The following PARD3B variants were observed in gnomAD, a reference collection of about 807,000 sequenced individuals.
The protein encoded by PARD3B is par-3 family cell polarity regulator beta.
In PARD3B, 103 loss-of-function variants were observed where a neutral mutation model predicts 130.2. That is an observed-to-expected ratio of 0.79 (90% CI 0.67 to 0.93). The LOEUF (loss-of-function observed/expected upper bound fraction) is 0.93. Among genes scored for constraint, PARD3B ranks in the 40% least tolerant of loss-of-function variants. The probability of loss-of-function intolerance (pLI) is 0.00; values close to 1 mark genes in which losing one functional copy is unlikely to be tolerated. For synonymous variants in PARD3B, 583 were observed against 553.2 expected, an observed-to-expected ratio of 1.05 and a Z score of -0.76; for missense variants, 1,609 against 1,499.2, an observed-to-expected ratio of 1.07 and a Z score of -1.21.
chr2:205,358,995 G>A (rs989780951), intron 18 of PARD3B, among the ~76,000 whole-genome samples: 9 of 152,166 alleles, frequency 5.9e-5, no homozygotes, highest in South Asian at 4.2e-4. Flanking sequence ...CTTTAAATTC[G>A]CAAACATTTC....
intron 10 of PARD3B, among the ~76,000 whole-genome samples, chr2:205,154,810 A>T (rs958946354): frequency 6.6e-6 from 1 of 152,130 alleles, no homozygotes; most frequent in Non-Finnish European, 1.5e-5. Context: ...AAAACCACAC[A>T]CCGCATGTTC....
In PARD3B at chr2:205,460,433, TGA is replaced by T. The variant is rs1165706123; in HGVS notation, c.3044+19762_3044+19763del. Among the ~76,000 whole-genome samples, 1 of 151,298 alleles carries T rather than the reference TGA, an allele frequency of 6.6e-6. No individual in the cohort carries two copies. The highest frequency in any genetic ancestry group is 1.5e-5 in the Non-Finnish European group (1 of 67,894). On this transcript the variant is annotated intron_variant, in intron 20 of 22. Coordinates refer to ENST00000406610, the MANE Select transcript of PARD3B (RefSeq NM_001302769.2). This position sits in a 1 kb window ranked among gnomAD's most constrained non-coding sequence, Gnocchi z 4.9. Reference sequence around the variant, plus strand: ...ATGATGATGATGATGATGATGATGATGATAGTCAATAGTAGTATTTATTGTAT... The same window carrying T: ...ATGATGATGATGATGATGATGATGATTAGTCAATAGTAGTATTTATTGTAT...
chr2:205,013,914 G>T (rs1695922363), intron 3 of PARD3B, among the ~76,000 whole-genome samples: 1 of 152,144 alleles, frequency 6.6e-6, no homozygotes, highest in African/African-American at 2.4e-5. Context: ...GAGAACCAAG[G>T]TGTCACCCTA....
Position 205,291,730 on chromosome 2 carries a change from G to C in PARD3B, c.2186-8800G>C, listed in dbSNP as rs965924859. Among the ~76,000 whole-genome samples, 3 of 152,172 alleles carry C rather than the reference G, an allele frequency of 2.0e-5. No homozygotes were observed. The highest frequency in any genetic ancestry group is 2.1e-4 in the South Asian group (1 of 4,832). ...TAAAGATGGAATTGTCCATCAAAAA[G>C]GAAGCAGAGCTTAAAGACTTAGGTA... On this transcript the variant is annotated intron_variant, in intron 16 of 22. Transcript: ENST00000406610. The surrounding 1 kb of genome is among the most constrained non-coding windows in gnomAD (Gnocchi z 4.6).
intron 4 of PARD3B, among the ~76,000 whole-genome samples, chr2:205,081,484 T>C (rs537346168): frequency 1.3e-5 from 2 of 152,170 alleles, no homozygotes; most frequent in South Asian, 4.1e-4. Context: ...ATCTTCTCAA[T>C]ATTTGTAGAA....
chr2:205,099,759 G>T (rs567351737), intron 4 of PARD3B, among the ~76,000 whole-genome samples: 2 of 152,208 alleles, frequency 1.3e-5, no homozygotes, highest in East Asian at 1.9e-4. Flanking sequence ...GAATATCAAA[G>T]AATTTTGTTA....
chr2:205,106,362 T>A (rs528406391), intron 5 of PARD3B, among the ~76,000 whole-genome samples: 73 of 152,154 alleles, frequency 4.8e-4, no homozygotes, highest in African/African-American at 1.7e-3. Context: ...TTGGTCAGGC[T>A]GGTCTCGAAC....
At chr2:205,441,753 G>T (rs889391701) in intron 20 of PARD3B, among the ~76,000 whole-genome samples, 3 of 152,158 alleles carry the variant, frequency 2.0e-5, no homozygotes, top group African/African-American at 7.2e-5. Flanking sequence ...AGACTGTAAA[G>T]TGTAGCTTCA....
intron 2 of PARD3B, among the ~76,000 whole-genome samples, chr2:204,724,962 C>T (rs1348302096): frequency 6.6e-6 from 1 of 151,924 alleles, no homozygotes; most frequent in Non-Finnish European, 1.5e-5. Context: ...GGCCGCTAGG[C>T]AGGGCAAGAA....
At position 204,669,083 on chromosome 2, in the gene PARD3B, G is replaced by A. The variant is rs923643817; in HGVS notation, c.121-17098G>A. 6.6e-6 allele frequency among the ~76,000 whole-genome samples: 1 copy of A among 152,172 alleles called. No individual in the cohort carries two copies. Among genetic ancestry groups the A allele is most frequent in the Non-Finnish European group, 1.5e-5 (1 of 68,030 alleles). ...TTGATGTTCACCTAGTAAGATCCAC[G>A]CCTGACTTCAGGCCTGCAGAATTAG... On this transcript the variant is annotated intron_variant, in intron 1 of 22. Coordinates refer to ENST00000406610, the MANE Select transcript of PARD3B (RefSeq NM_001302769.2). This position sits in a 1 kb window ranked among gnomAD's most constrained non-coding sequence, Gnocchi z 4.3.
rs184938606 is a variant in PARD3B, at chr2:204,740,276, C to T, written c.222+53994C>T. Among the ~76,000 whole-genome samples, 47 of 152,176 alleles carry T rather than the reference C, an allele frequency of 3.1e-4. 1 individual carries two copies. In the East Asian group the frequency reaches 8.7e-3, roughly 28 times the overall value. On this transcript the variant is annotated intron_variant, in intron 2 of 22. Coordinates refer to ENST00000406610, the MANE Select transcript of PARD3B (RefSeq NM_001302769.2). The stretch of plus-strand genomic sequence containing the variant: ...ACCTCCAGTGATCTGCCTGCCTTGG[C>T]CTCCCAAAGGGCTGGAATTACAAGT...
At chr2:204,687,149 C>G (rs1198261938) in intron 2 of PARD3B, among the ~76,000 whole-genome samples, 4 of 151,924 alleles carry the variant, frequency 2.6e-5, no homozygotes, top group African/African-American at 9.7e-5. Context: ...TGTGTTTTAC[C>G]TAACTGGACT....
At chr2:205,495,828 C>G (rs2049903050) in intron 20 of PARD3B, among the ~76,000 whole-genome samples, 1 of 152,142 alleles carries the variant, frequency 6.6e-6, no homozygotes, top group African/African-American at 2.4e-5. Flanking sequence ...TTGCTAGGAG[C>G]TTCATATTCT....
intron 2 of PARD3B, among the ~76,000 whole-genome samples, chr2:204,901,345 C>G (rs1207557098): frequency 6.6e-6 from 1 of 152,068 alleles, no homozygotes; most frequent in Admixed American, 6.5e-5. Flanking sequence ...CCTTCTCTTT[C>G]CAAAGGTAAA....
intron 1 of PARD3B, among the ~76,000 whole-genome samples, chr2:204,634,783 C>T (rs534026931): frequency 1.1e-4 from 17 of 152,098 alleles, no homozygotes; most frequent in Admixed American, 2.0e-4. Context: ...TTTTCCCCTG[C>T]GATATTAGTG....
intron 18 of PARD3B, among the ~76,000 whole-genome samples, chr2:205,304,439 C>G (rs925273041): frequency 1.3e-5 from 2 of 151,978 alleles, no homozygotes; most frequent in Non-Finnish European, 2.9e-5. Context: ...AGTTCGAGAC[C>G]AGCTTGACTA....
chr2:205,589,346 C>T lies in PARD3B; in HGVS notation c.3261-26110C>T, dbSNP rs1307204420. Among the ~76,000 whole-genome samples, 1 of 152,186 alleles carries T rather than the reference C, an allele frequency of 6.6e-6. No homozygotes were observed. Among genetic ancestry groups the T allele is most frequent in the East Asian group, 1.9e-4 (1 of 5,186 alleles). On this transcript the variant is annotated intron_variant, in intron 22 of 22. Coordinates refer to ENST00000406610, the MANE Select transcript of PARD3B (RefSeq NM_001302769.2). The surrounding 1 kb of genome is among the most constrained non-coding windows in gnomAD (Gnocchi z 4.1). The stretch of plus-strand genomic sequence containing the variant: ...CCATATCACTCTTTTTATCAAATCA[C>T]TATGCCACAGGATGAGATTAAATCT...
chr2:204,643,262 A>C (rs1168948147), intron 1 of PARD3B, among the ~76,000 whole-genome samples: 1 of 151,866 alleles, frequency 6.6e-6, no homozygotes, highest in Non-Finnish European at 1.5e-5. Context: ...CCTCCTGTAC[A>C]GTCCGTGGAT....
At chr2:204,582,586 T>C (rs993178786) in intron 1 of PARD3B, among the ~76,000 whole-genome samples, 4 of 152,128 alleles carry the variant, frequency 2.6e-5, no homozygotes, top group African/African-American at 9.7e-5. Context: ...GTTTTGTAGA[T>C]TAATGTATGC....
Sources: gnomAD v4.1 joint callset for allele counts (sites outside exome capture counted in the v4.1 genomes callset) on GRCh38, gnomAD v4.1.1 for gene constraint, Gnocchi (gnomAD v3.1) non-coding constraint, MANE v1.5 for transcripts, NCBI Gene and HGNC (gene_info 2026-07-23, HGNC 2026-07-21) for gene names.